The following SLC2A14 variants were observed in gnomAD, a reference collection of about 807,000 sequenced individuals.
SLC2A14 encodes the protein solute carrier family 2 member 14, also known as solute carrier family 2, facilitated glucose transporter member 14.
Under a neutral mutation model 43.0 loss-of-function variants are expected in SLC2A14, and 13 were observed. The observed-to-expected ratio is 0.30, with a 90% CI of 0.20 to 0.48. SLC2A14 has a LOEUF of 0.48. SLC2A14 is among the 20% of genes least tolerant of loss of function. The pLI, the probability that SLC2A14 is intolerant of heterozygous loss-of-function variation, is 0.99. For missense variants in SLC2A14, 428 were observed against 620.4 expected (o/e 0.69, Z 3.29); for synonymous variants, 190 against 233.8 (o/e 0.81, Z 1.71).
chr12:7,839,844 C>A (rs36141788), intron 2 of SLC2A14: 2 of 444,378 alleles, frequency 4.5e-6, no homozygotes, highest in South Asian at 3.1e-5. Context: ...GAGGTCAAGG[C>A]GGGAGGATCG....
At chr12:7,837,568 G>A (rs1276809366) in intron 2 of SLC2A14, among the ~76,000 whole-genome samples, 1 of 138,914 alleles carries the variant, frequency 7.2e-6, no homozygotes, top group Non-Finnish European at 1.5e-5. Flanking sequence ...GAACCTGGGG[G>A]CGGAGGTTGC....
chr12:7,866,224 CAAAA>C (rs1294745106), intron 2 of SLC2A14, among the ~76,000 whole-genome samples: 3 of 93,610 alleles, frequency 3.2e-5, no homozygotes, highest in African/African-American at 4.3e-5. Flanking sequence ...GACTCTGTCT[CAAAA>C]AAAAAAAAAA....
chr12:7,840,093 C>T (rs2120849968), intron 2 of SLC2A14, among the ~76,000 whole-genome samples: 1 of 126,592 alleles, frequency 7.9e-6, no homozygotes, highest in Non-Finnish European at 1.6e-5. Flanking sequence ...GCCTGGGAGA[C>T]AGAGCCAGAC....
chr12:7,869,987 C>T (rs1264510710), intron 1 of SLC2A14, 50 bp from the exon 2 acceptor site: 3 of 1,212,742 alleles, frequency 2.5e-6, no homozygotes, highest in Non-Finnish European at 3.4e-6. Flanking sequence ...TACTTAAGCT[C>T]CTTGAGGGAA....
chr12:7,888,810 A>AAAAG (rs1945729948), intron 1 of SLC2A14, among the ~76,000 whole-genome samples: 2 of 147,050 alleles, frequency 1.4e-5, no homozygotes, highest in African/African-American at 2.5e-5. Context: ...AAAAAAAAAA[A>AAAAG]AAAAAGAAAA....
At chr12:7,877,359 A>T (rs1945480816), upstream of SLC2A14, among the ~76,000 whole-genome samples, 1 of 152,090 alleles carries the variant, frequency 6.6e-6, no homozygotes, top group South Asian at 2.1e-4. Flanking sequence ...CCTAGGCTGG[A>T]GTGCAGCAGC....
Position 7,827,531 on chromosome 12 carries a change from C to T in SLC2A14, c.828G>A (p.Val276=), listed in dbSNP as rs751410311. 1.6e-5 allele frequency: 25 copies of T among 1,612,470 alleles called. No homozygotes were observed. The highest frequency in any genetic ancestry group is 2.0e-5 in the Non-Finnish European group (24 of 1,179,750). Residue 276 remains valine, a synonymous_variant, in exon 7 of 11, where the codon GTG becomes GTA. Transcript: ENST00000431042. ...CAGAGAGCTGCTGAGAGAGCTGGAG[C>T]ACAATGGAAATGATGATGGGCTGTC... ...SYRQPIIISI[V]LQLSQQLSGI...
intron 1 of SLC2A14, among the ~76,000 whole-genome samples, chr12:7,886,141 G>T (rs1377919695): frequency 1.7e-5 from 2 of 115,958 alleles, no homozygotes; most frequent in African/African-American, 3.0e-5. Context: ...GTACCACCAC[G>T]CCCGGACAGC....
chr12:7,874,119 C>T (rs1945366804), upstream of SLC2A14, among the ~76,000 whole-genome samples: 1 of 152,006 alleles, frequency 6.6e-6, no homozygotes, highest in South Asian at 2.1e-4. Context: ...ATGACTAAAA[C>T]AAAGATGGGA....
In SLC2A14 at chr12:7,830,320, T is replaced by A. The variant is rs773222205; in HGVS notation, c.273-314A>T. Among the ~76,000 whole-genome samples, 7 of 152,148 alleles carry A rather than the reference T, an allele frequency of 4.6e-5. No individual in the cohort carries two copies. In the South Asian group the frequency reaches 1.5e-3, roughly 32 times the overall value. On this transcript the variant is annotated intron_variant, in intron 4 of 10. Transcript: ENST00000431042. ...GCGCCTGCCACCATGCCTGGCTAAT[T>A]TTTTTGTATTTTAGTAGAGATGGGG...
chr12:7,825,165 A>G (rs1864232237), intron 7 of SLC2A14, among the ~76,000 whole-genome samples: 1 of 152,060 alleles, frequency 6.6e-6, no homozygotes. Flanking sequence ...TAGTCCAACA[A>G]TAATTAAGGT....
chr12:7,829,965 CCAG>C lies in SLC2A14; in HGVS notation c.311_313del (p.Thr104_Gly105delinsSer). 6.2e-7 allele frequency: 1 copy of C among 1,614,180 alleles called. No homozygotes were observed. Among genetic ancestry groups the C allele is most frequent in the Non-Finnish European group, 8.5e-7 (1 of 1,180,032 alleles). On this transcript the variant is annotated inframe_deletion, in exon 5 of 11. Coordinates refer to ENST00000431042, the MANE Select transcript of SLC2A14 (RefSeq NM_001286234.2). ...TTTACACAGTCCCATAAGGCAGCCACCAGTGGCAGCCAACAGGTTGACAATCAG... is the reference window on the plus strand; with the variant it reads ...TTTACACAGTCCCATAAGGCAGCCACTGGCAGCCAACAGGTTGACAATCAG...
chr12:7,853,629 A>T (rs1867119295), intron 2 of SLC2A14, among the ~76,000 whole-genome samples: 1 of 151,972 alleles, frequency 6.6e-6, no homozygotes, highest in Admixed American at 6.6e-5. Flanking sequence ...AAACAGATGA[A>T]TTATAAAAGG....
chr12:7,871,030 G>A (rs1945199572), intron 1 of SLC2A14: 8 of 1,429,200 alleles, frequency 5.6e-6, no homozygotes, highest in Non-Finnish European at 7.5e-6. Context: ...CGACAAGCTG[G>A]CTTCACCGCG....
intron 2 of SLC2A14, among the ~76,000 whole-genome samples, chr12:7,859,129 C>T (rs1292118424): frequency 6.6e-6 from 1 of 152,110 alleles, no homozygotes; most frequent in Non-Finnish European, 1.5e-5. Flanking sequence ...TGGCTGGTGC[C>T]TGTAATCCCA....
rs1863237565 is a variant in SLC2A14, at chr12:7,814,218, A to G, written c.*98T>C. 1.3e-5 allele frequency: 19 copies of G among 1,444,974 alleles called. No homozygotes were observed. The highest frequency in any genetic ancestry group is 2.2e-5 in the Admixed American group (1 of 45,840). The allele number at this position is 1,444,974 out of a possible 1,614,324, so 89.5% of individuals were successfully genotyped here. On this transcript the variant is annotated 3_prime_UTR_variant, in exon 11 of 11. Coordinates refer to ENST00000431042, the MANE Select transcript of SLC2A14 (RefSeq NM_001286234.2). Reference sequence around the variant, plus strand: ...GATGAGAAAGAAATCAAGTAGCAGCATTCAGAAGCAGTCCTGGGTTCATCC... The same window carrying G: ...GATGAGAAAGAAATCAAGTAGCAGCGTTCAGAAGCAGTCCTGGGTTCATCC...
At chr12:7,835,936 A>T (rs1865413397) in intron 2 of SLC2A14, among the ~76,000 whole-genome samples, 1 of 152,200 alleles carries the variant, frequency 6.6e-6, no homozygotes, top group Non-Finnish European at 1.5e-5. Flanking sequence ...CATTTGAGAA[A>T]TGTTGATTTT....
Position 7,818,034 on chromosome 12 carries a change from T to C in SLC2A14, c.1072A>G (p.Asn358Asp). The C allele has an allele frequency of 6.2e-7, 1 of 1,612,898 alleles. No homozygotes were observed. Among genetic ancestry groups the C allele is most frequent in the Non-Finnish European group, 8.5e-7 (1 of 1,179,384 alleles). Reference sequence around the variant, plus strand: ...ACAAAGCTCATCCCATTATAGTGATTCTGTAAGAGGAAGGAACACAGAAGA... The same window carrying C: ...ACAAAGCTCATCCCATTATAGTGATCCTGTAAGAGGAAGGAACACAGAAGA... ...TLMTVSLLLK[N>D]HYNGMSFVCI... Residue 358 changes from asparagine to aspartate, a missense_variant and splice_region_variant, in exon 10 of 11, where the codon AAT (asparagine) becomes GAT (aspartate). Physicochemically the swap from Asn to Asp is conservative, Grantham distance 23. Around this residue, in one of 4 missense-constraint regions of SLC2A14, gnomAD observed 119 missense variants for 188.7 expected, o/e 0.63. Transcript: ENST00000431042.
rs189237206 is a variant in SLC2A14, at chr12:7,855,002, G to A, written c.18+14861C>T. On this transcript the variant is annotated intron_variant, in intron 2 of 10. Transcript: ENST00000431042. ...TTTTTGTATTTTTAGTAGAAACAGG[G>A]TTTCACCATGTTGGCGAGGCTGGTC... 2.0e-3 allele frequency among the ~76,000 whole-genome samples: 303 copies of A among 151,920 alleles called. 2 individuals are homozygous for A. The highest frequency in any genetic ancestry group is 6.9e-3 in the African/African-American group (285 of 41,446).
Sources: gnomAD v4.1 joint callset for allele counts (sites outside exome capture counted in the v4.1 genomes callset) on GRCh38, gnomAD v4.1.1 for gene constraint, gnomAD v4.1.1 regional missense constraint, MANE v1.5 for transcripts, NCBI Gene and HGNC (gene_info 2026-07-23, HGNC 2026-07-21) for gene names.